Variants in DNAH2 observed in about 807,000 individuals in gnomAD.
The protein encoded by DNAH2 is axonemal beta dynein heavy chain 2.
In DNAH2, 323 loss-of-function variants were observed where a neutral mutation model predicts 523.5. The observed-to-expected ratio is 0.62, with a 90% CI of 0.56 to 0.68. The LOEUF (loss-of-function observed/expected upper bound fraction) is 0.68. Ranked by LOEUF, DNAH2 falls within the 30% of genes least tolerant of loss-of-function variation. The pLI is 0.00. For missense variants in DNAH2, 4,907 were observed against 5,701.5 expected, an observed-to-expected ratio of 0.86 and a Z score of 4.49; for synonymous variants, 2,093 against 2,177.4, an observed-to-expected ratio of 0.96 and a Z score of 1.08.
chr17:7,718,063 G>A lies in DNAH2; in HGVS notation c.-751G>A, dbSNP rs2074474491. 1 of 152,214 alleles carries A rather than the reference G, an allele frequency of 6.6e-6. No homozygotes were observed. The highest frequency in any genetic ancestry group is 6.5e-5 in the Admixed American group (1 of 15,288). The allele number at this position is 152,214 out of a possible 1,614,324, so 9.4% of individuals were successfully genotyped here. A position where few individuals can be genotyped will look rare whatever the true frequency, so the allele number is the denominator to read the frequency against. On this transcript the variant is annotated 5_prime_UTR_variant, in exon 1 of 86. Transcript: ENST00000572933. ...GGTAACCAGTTTAAGGATACCAGCT[G>A]CTGGTATAAATACTGCTGGATAAAT... is the stretch of plus-strand genomic sequence containing the variant.
Position 7,740,875 on chromosome 17 carries a change from C to T in DNAH2, c.1572C>T (p.Ala524=), listed in dbSNP as rs1424413947. Reference sequence around the variant, plus strand: ...ACATGCTGTTCAATAGCGAGCTGGCCCTGGTGAACCGTGAACGGAACAAGA... The same window carrying T: ...ACATGCTGTTCAATAGCGAGCTGGCTCTGGTGAACCGTGAACGGAACAAGA... ...DLYMLFNSEL[A]LVNRERNKKW... is the part of the protein sequence containing the mutation. The change falls in exon 11 of 86, where the codon GCC becomes GCT. Residue 524 remains alanine, a synonymous_variant. Coordinates refer to ENST00000572933, the MANE Select transcript of DNAH2 (RefSeq NM_020877.5). 2 of 1,613,934 alleles carry T rather than the reference C, an allele frequency of 1.2e-6. No homozygotes were observed. The highest frequency in any genetic ancestry group is 1.7e-6 in the Non-Finnish European group (2 of 1,179,916).
chr17:7,737,229 C>A lies in DNAH2; in HGVS notation c.1141C>A (p.Arg381=). The A allele has an allele frequency of 1.2e-6, 2 of 1,614,134 alleles. No individual in the cohort carries two copies. Among genetic ancestry groups the A allele is most frequent in the Non-Finnish European group, 1.7e-6 (2 of 1,180,016 alleles). ...GGTCAACTCTCCCCACTACAACACT[C>A]GGGAGAGACTGACCTCGCTCTTCCG... ...IWVNSPHYNT[R]ERLTSLFRKV... The change falls in exon 8 of 86, where the codon CGG becomes AGG. Residue 381 remains arginine, a synonymous_variant. Coordinates refer to ENST00000572933, the MANE Select transcript of DNAH2 (RefSeq NM_020877.5).
At chr17:7,795,121 A>G (rs1365219520) in intron 49 of DNAH2, among the ~76,000 whole-genome samples, 1 of 152,072 alleles carries the variant, frequency 6.6e-6, no homozygotes, top group East Asian at 1.9e-4. Flanking sequence ...ATCCCAGGGG[A>G]ACAGGGAAGG....
intron 28 of DNAH2, among the ~76,000 whole-genome samples, chr17:7,773,286 T>C (rs2076366750): frequency 6.6e-6 from 1 of 152,230 alleles, no homozygotes; most frequent in African/African-American, 2.4e-5. Flanking sequence ...ATGCCATGTA[T>C]CTAAATAAAA....
At chr17:7,804,612 G>A (rs2077315655) in intron 59 of DNAH2, 146 bp downstream of exon 59, 1 of 934,254 alleles carries the variant, frequency 1.1e-6, no homozygotes, top group South Asian at 1.7e-5. Flanking sequence ...TTGGGAGGCT[G>A]AGGCAGGAGG....
At chr17:7,789,078 C>T (rs1427984586) in intron 44 of DNAH2, among the ~76,000 whole-genome samples, 1 of 152,168 alleles carries the variant, frequency 6.6e-6, no homozygotes, top group Non-Finnish European at 1.5e-5. Context: ...ACAGGACAAT[C>T]GCTTGAACCC....
At chr17:7,771,878 G>A (rs1474234282) in intron 28 of DNAH2, among the ~76,000 whole-genome samples, 1 of 151,904 alleles carries the variant, frequency 6.6e-6, no homozygotes, top group Non-Finnish European at 1.5e-5. Flanking sequence ...CACTACCTCT[G>A]GCTAATTTTT....
At position 7,774,935 on chromosome 17, in the gene DNAH2, A is replaced by T. The variant is rs765613035; in HGVS notation, c.4678A>T (p.Lys1560Ter). ...RNPEAVQPHL[K>*]KCFDNIKLLR... ...CCCAGAGGCTGTGCAGCCACACCTCAAAAAATGCTTTGACAACATCAAGTT... is the reference window on the plus strand; with the variant it reads ...CCCAGAGGCTGTGCAGCCACACCTCTAAAAATGCTTTGACAACATCAAGTT... Residue 1560 changes from lysine (K) to a stop codon, truncating the protein, a stop_gained, in exon 29 of 86, where the codon AAA (lysine) becomes TAA (stop). Transcript: ENST00000572933. LOFTEE classifies it high-confidence loss of function. The T allele has an allele frequency of 1.9e-6, 3 of 1,614,182 alleles. No homozygotes were observed. The highest frequency in any genetic ancestry group is 2.5e-6 in the Non-Finnish European group (3 of 1,180,046).
At chr17:7,809,535 C>G (rs1207172165) in intron 63 of DNAH2, among the ~76,000 whole-genome samples, 1 of 152,174 alleles carries the variant, frequency 6.6e-6, no homozygotes, top group Non-Finnish European at 1.5e-5. Context: ...TCTGTCTTTT[C>G]CCAAGAGCGA....
At position 7,821,045 on chromosome 17, in the gene DNAH2, G is replaced by GTAA. The variant is rs765341526; in HGVS notation, c.11016-185_11016-183dup. ...CAAGAGCGAAACTCTGTCTCAAAAA[G>GTAA]TAATAATAATAATAAGTGGACTCTG... On this transcript the variant is annotated intron_variant, in intron 72 of 85. Transcript: ENST00000572933. This position sits in a 1 kb window ranked among gnomAD's most constrained non-coding sequence, Gnocchi z 5.0. Among the ~76,000 whole-genome samples the GTAA allele has an allele frequency of 6.6e-6, 1 of 151,930 alleles. No homozygotes were observed. The highest frequency in any genetic ancestry group is 2.1e-4 in the South Asian group (1 of 4,820).
chr17:7,797,229 C>G lies in DNAH2; in HGVS notation c.7917C>G (p.Ser2639Arg). 3.7e-6 allele frequency: 6 copies of G among 1,613,926 alleles called. No homozygotes were observed. Among genetic ancestry groups the G allele is most frequent in the South Asian group, 2.2e-5 (2 of 91,080 alleles). ...AGGACTTCCATGATACCAAGTCCAG[C>G]ATCACACGGCTCTGGATCCATGAAT... is the stretch of plus-strand genomic sequence containing the variant. The part of the protein sequence containing the change: ...ANKDFHDTKS[S>R]ITRLWIHECF... Residue 2639 changes from serine to arginine, a missense_variant, in exon 51 of 86, where the codon AGC (serine) becomes AGG (arginine). Ser to Arg is a moderately radical substitution (Grantham distance 110). This residue lies in a region of DNAH2 where 250 missense variants were observed against 371.3 expected (regional missense o/e 0.67). Coordinates refer to ENST00000572933, the MANE Select transcript of DNAH2 (RefSeq NM_020877.5).
At chr17:7,800,044 ACTTGTCTTTGTTT>A (rs1416682161) in intron 56 of DNAH2, among the ~76,000 whole-genome samples, 3 of 151,920 alleles carry the variant, frequency 2.0e-5, no homozygotes, top group Non-Finnish European at 4.4e-5. Context: ...ACCATGCCGC[ACTTGTCTTTGTTT>A]CTTTTTTTGT....
chr17:7,821,458 C>T lies in DNAH2; in HGVS notation c.11142+89C>T. 1 of 1,471,950 alleles carries T rather than the reference C, an allele frequency of 6.8e-7. No homozygotes were observed. Among genetic ancestry groups the T allele is most frequent in the Non-Finnish European group, 9.1e-7 (1 of 1,099,126 alleles). The allele number at this position is 1,471,950 out of a possible 1,614,324, so 91.2% of individuals were successfully genotyped here. On this transcript the variant is annotated intron_variant, in intron 73 of 85. Transcript: ENST00000572933. The surrounding 1 kb of genome is among the most constrained non-coding windows in gnomAD (Gnocchi z 5.0). ...GACAAGGACTCCAGACCCAGAGGGT[C>T]AGGCCCACAGCATCAGTGAGTGAGC... is the stretch of plus-strand genomic sequence containing the variant.
At chr17:7,775,642 G>A (rs1278770697) in intron 30 of DNAH2, among the ~76,000 whole-genome samples, 2 of 147,084 alleles carry the variant, frequency 1.4e-5, no homozygotes, top group Admixed American at 6.9e-5. Flanking sequence ...CTGAGATTGC[G>A]CCATTGTACT....
At position 7,762,893 on chromosome 17, in the gene DNAH2, T is replaced by TA. The variant is rs34113567; in HGVS notation, c.2979-922dup. ...ATGAGGAAACCGAGACTCAAACAGT[T>TA]AAAAAAAAAAAAAAAACCTGCCTGA... is the stretch of plus-strand genomic sequence containing the variant. On this transcript the variant is annotated intron_variant, in intron 18 of 85. Coordinates refer to ENST00000572933, the MANE Select transcript of DNAH2 (RefSeq NM_020877.5). Among the ~76,000 whole-genome samples the TA allele has an allele frequency of 6.8e-3, 862 of 126,958 alleles. 7 individuals are homozygous for TA. The highest frequency in any genetic ancestry group is 0.016 in the African/African-American group (577 of 35,106). The allele number at this position is 126,958 out of a possible 152,430, so 83.3% of individuals were successfully genotyped here.
chr17:7,731,233 C>T (rs1597468004), intron 4 of DNAH2, among the ~76,000 whole-genome samples: 1 of 151,964 alleles, frequency 6.6e-6, no homozygotes, highest in East Asian at 1.9e-4. Context: ...TACTAAGAGA[C>T]ATGACCATGT....
rs760370668 is a variant in DNAH2, at chr17:7,760,885, C to T, written c.2931C>T (p.Tyr977=). Residue 977 remains tyrosine (Y), a synonymous_variant, in exon 18 of 86, where the codon TAC becomes TAT. Coordinates refer to ENST00000572933, the MANE Select transcript of DNAH2 (RefSeq NM_020877.5). This position sits in a 1 kb window ranked among gnomAD's most constrained non-coding sequence, Gnocchi z 4.0. ...EINKDSFIHR[Y]QRLNPPVSSF... ...ACAAGGACTCCTTCATTCATCGCTACCAGCGCCTCAACCCTCCTGTCTCTT... is the reference window on the plus strand; with the variant it reads ...ACAAGGACTCCTTCATTCATCGCTATCAGCGCCTCAACCCTCCTGTCTCTT... 3.7e-6 allele frequency: 6 copies of T among 1,614,218 alleles called. No individual in the cohort carries two copies. Among genetic ancestry groups the T allele is most frequent in the Non-Finnish European group, 5.1e-6 (6 of 1,180,046 alleles).
At chr17:7,820,190 C>T (rs1469938326) in intron 72 of DNAH2, among the ~76,000 whole-genome samples, 2 of 152,168 alleles carry the variant, frequency 1.3e-5, no homozygotes, top group African/African-American at 2.4e-5. Flanking sequence ...ACTGTTCCCT[C>T]CCCATCTTCC....
rs111751776 is a variant in DNAH2, at chr17:7,751,920, G to GGGGTGTGTGTGT, written c.1905-5170_1905-5169insGGTGTGTGTGTG. Among the ~76,000 whole-genome samples the GGGGTGTGTGTGT allele has an allele frequency of 5.1e-4, 75 of 145,992 alleles. 1 individual carries two copies. Among genetic ancestry groups the GGGGTGTGTGTGT allele is most frequent in the Middle Eastern group, 3.5e-3 (1 of 284 alleles). On this transcript the variant is annotated intron_variant, in intron 12 of 85. Coordinates refer to ENST00000572933, the MANE Select transcript of DNAH2 (RefSeq NM_020877.5). ...TGAGTCTTTCCAAGAATAGTTGTGGGGTGTGTGTGTGTGTGTGTGTGTGTG... is the reference window on the plus strand; with the variant it reads ...TGAGTCTTTCCAAGAATAGTTGTGGGGGGTGTGTGTGTGTGTGTGTGTGTGTGTGTGTGTGTG...
Sources: allele counts gnomAD v4.1 joint callset (sites outside exome capture counted in the v4.1 genomes callset), GRCh38; gene constraint gnomAD v4.1.1; regional missense constraint gnomAD v4.1.1; non-coding constraint Gnocchi (gnomAD v3.1); transcripts MANE v1.5; gene names NCBI Gene and HGNC (gene_info 2026-07-23, HGNC 2026-07-21).